Variants in POLA1 observed in about 807,000 individuals in gnomAD.
POLA1 encodes DNA polymerase alpha 1, catalytic subunit.
In POLA1, 15 loss-of-function variants were observed where a neutral mutation model predicts 124.0. That is an observed-to-expected ratio of 0.12 (90% confidence interval 0.08 to 0.19). POLA1 has a LOEUF of 0.19. Ranked by LOEUF, POLA1 falls within the 10% of genes least tolerant of loss-of-function variation. The probability of loss-of-function intolerance (pLI) is 1.00; values close to 1 mark genes in which losing one functional copy is unlikely to be tolerated. For synonymous variants in POLA1, 408 were observed against 389.4 expected (o/e 1.05, Z -0.56); for missense variants, 886 against 1,103.4 (o/e 0.80, Z 2.79).
intron 34 of POLA1, among the ~76,000 whole-genome samples, chrX:24,871,700 C>A (rs367599612): frequency 1.1e-4 from 12 of 110,831 alleles, no homozygotes; most frequent in African/African-American, 3.9e-4. Flanking sequence ...GGGACTGAGG[C>A]CCTTAAAATT....
rs191003614 is a variant in POLA1 at position 24,711,140 on chromosome X, G to A, written c.347-3414G>A. Among the ~76,000 whole-genome samples the A allele has an allele frequency of 5.3e-3, 586 of 110,571 alleles. 1 individual carries two copies. The highest frequency in any genetic ancestry group is 0.018 in the African/African-American group (541 of 30,379). ...CAGGACTACAGGCACATCCTGCCAC[G>A]CTCGGCTAATTTTTTGTGTTTTTAG... On this transcript the variant is annotated intron_variant, in intron 4 of 36. Coordinates refer to ENST00000379068, the MANE Select transcript of POLA1 (RefSeq NM_001330360.2).
chrX:24,860,414 A>T (rs2046701362), intron 34 of POLA1, among the ~76,000 whole-genome samples: 1 of 112,472 alleles, frequency 8.9e-6, no homozygotes, highest in Non-Finnish European at 1.9e-5. Flanking sequence ...ACTGGTAGTT[A>T]TGGAGCACCT....
intron 26 of POLA1, among the ~76,000 whole-genome samples, chrX:24,753,038 A>ATC (rs1226263836): frequency 9.1e-6 from 1 of 109,385 alleles, no homozygotes; most frequent in Non-Finnish European, 1.9e-5. Flanking sequence ...TTGAGATGGA[A>ATC]TCTCTCTCTG....
chrX:24,803,827 A>G (rs1004512434), intron 26 of POLA1, among the ~76,000 whole-genome samples: 1 of 107,143 alleles, frequency 9.3e-6, no homozygotes, highest in Non-Finnish European at 1.9e-5. Flanking sequence ...TTCATTTTAT[A>G]AATGAGGATA....
At chrX:24,753,051 G>T (rs774093785) in intron 26 of POLA1, among the ~76,000 whole-genome samples, 2 of 108,564 alleles carry the variant, frequency 1.8e-5, no homozygotes, top group African/African-American at 3.4e-5. Flanking sequence ...TCTCTCTGTT[G>T]CCCAGGCTGG....
At chrX:24,946,041 T>C (rs1252012318) in intron 36 of POLA1, among the ~76,000 whole-genome samples, 1 of 111,681 alleles carries the variant, frequency 9.0e-6, no homozygotes, top group East Asian at 2.8e-4. Flanking sequence ...TTTCCCCCAT[T>C]AACTTGCGTC....
chrX:24,776,186 A>G lies in POLA1; in HGVS notation c.2964+27194A>G, dbSNP rs2045135890. ...AGTCTGAGCTGACTATATTTATTTTATCCACCTTTTACCCAGTTAACAGAA... is the reference window on the plus strand; with the variant it reads ...AGTCTGAGCTGACTATATTTATTTTGTCCACCTTTTACCCAGTTAACAGAA... On this transcript the variant is annotated intron_variant, in intron 26 of 36. Transcript: ENST00000379068. 3.6e-5 allele frequency among the ~76,000 whole-genome samples: 4 copies of G among 112,325 alleles called. No homozygotes were observed. The South Asian group carries it at 1.5e-3, about 42-fold the overall frequency.
intron 26 of POLA1, among the ~76,000 whole-genome samples, chrX:24,801,945 G>GTGTA (rs745591556): frequency 5.8e-5 from 6 of 103,775 alleles, no homozygotes; most frequent in Non-Finnish European, 1.2e-4. Context: ...GTGTGTGTGT[G>GTGTA]TGTGTGTGTG....
chrX:24,844,444 TTC>T (rs2046449799), intron 34 of POLA1, among the ~76,000 whole-genome samples: 1 of 109,390 alleles, frequency 9.1e-6, no homozygotes. Context: ...TTACTGTAAC[TTC>T]TTTTTAAAAG....
intron 36 of POLA1, among the ~76,000 whole-genome samples, chrX:24,938,346 G>GTGGAA (rs745700481): frequency 9.0e-6 from 1 of 111,625 alleles, no homozygotes; most frequent in Admixed American, 9.4e-5. Context: ...AACCCTGGAG[G>GTGGAA]TGGAGGTTGC....
In POLA1 at chrX:24,732,461, ATTT is replaced by A; in HGVS notation, c.1771+14_1771+16del. 1 of 1,070,713 alleles carries A rather than the reference ATTT, an allele frequency of 9.3e-7. No individual in the cohort carries two copies. The allele number at this position is 1,070,713 out of a possible 1,213,427, so 88.2% of individuals were successfully genotyped here. Reference sequence around the variant, plus strand: ...TTTCAGTCACACTTCTGTGGTATGTATTTTTTTTTAAGCTGGCTTACTAACAGC... The same window carrying A: ...TTTCAGTCACACTTCTGTGGTATGTATTTTTTAAGCTGGCTTACTAACAGC... On this transcript the variant is annotated splice_region_variant and intron_variant, in intron 16 of 36. Coordinates refer to ENST00000379068, the MANE Select transcript of POLA1 (RefSeq NM_001330360.2).
chrX:24,968,119 T>G (rs549367004), intron 36 of POLA1, among the ~76,000 whole-genome samples: 199 of 111,863 alleles, frequency 1.8e-3, no homozygotes, highest in Non-Finnish European at 3.3e-3. Flanking sequence ...AAATTTTCAG[T>G]GTACCATGGT....
chrX:24,832,423 C>T (rs2046276865), intron 32 of POLA1, among the ~76,000 whole-genome samples: 1 of 112,010 alleles, frequency 8.9e-6, no homozygotes, highest in Admixed American at 9.5e-5. Context: ...AGTAGTGACA[C>T]TGCTCATCTC....
chrX:24,914,922 C>G (rs1419412683), intron 35 of POLA1, among the ~76,000 whole-genome samples: 1 of 111,646 alleles, frequency 9.0e-6, no homozygotes, highest in Non-Finnish European at 1.9e-5. Flanking sequence ...ACAGACCACA[C>G]AAAAAAACAG....
chrX:24,809,806 G>C, intron 26 of POLA1, 92 bp from the exon 27 acceptor site: 1 of 519,425 alleles, frequency 1.9e-6, no homozygotes, highest in Non-Finnish European at 3.1e-6. Context: ...ACATGGAAAT[G>C]GCAAATCATT....
At chrX:24,853,964 C>T (rs2046603479) in intron 34 of POLA1, among the ~76,000 whole-genome samples, 1 of 112,014 alleles carries the variant, frequency 8.9e-6, no homozygotes, top group Non-Finnish European at 1.9e-5. Flanking sequence ...TTTAGTGAAA[C>T]TGGCTTAATT....
At chrX:24,791,982 A>T (rs891603430) in intron 26 of POLA1, among the ~76,000 whole-genome samples, 10 of 112,143 alleles carry the variant, frequency 8.9e-5, no homozygotes, top group Non-Finnish European at 1.5e-4. Flanking sequence ...AAAAAGTTGA[A>T]TTTTTCTACT....
chrX:24,704,243 C>A lies in POLA1; in HGVS notation c.266-146C>A, dbSNP rs1049287723. On this transcript the variant is annotated intron_variant, in intron 3 of 36. Transcript: ENST00000379068. ...GTGGATGCTGTGCATTGTCTGACAC[C>A]TGTGTGAACAGAATTCTGCTGCACT... 5 of 479,104 alleles carry A rather than the reference C, an allele frequency of 1.0e-5. No individual in the cohort carries two copies. The African/African-American group carries it at 1.2e-4, about 12-fold the overall frequency. 39.5% of individuals were successfully genotyped at this position (479,104 alleles called of 1,213,427 possible).
chrX:24,918,996 A>T (rs988595604), intron 35 of POLA1, among the ~76,000 whole-genome samples: 3 of 111,848 alleles, frequency 2.7e-5, no homozygotes, highest in Admixed American at 1.9e-4. Flanking sequence ...TTCCTCCAAC[A>T]TTGGGGATCA....
Sources: allele counts gnomAD v4.1 joint callset (sites outside exome capture counted in the v4.1 genomes callset), GRCh38; gene constraint gnomAD v4.1.1; transcripts MANE v1.5; gene names NCBI Gene and HGNC (gene_info 2026-07-23, HGNC 2026-07-21).